The following RELN variants were observed in gnomAD, a reference collection of about 807,000 sequenced individuals.
RELN encodes the protein reelin.
A neutral mutation model predicts 427.6 loss-of-function variants in RELN; 108 were observed. The observed-to-expected ratio is 0.25, with a 90% CI of 0.22 to 0.30. The LOEUF (loss-of-function observed/expected upper bound fraction) is 0.30, where lower values mean the gene tolerates loss of function less well. Ranked by LOEUF, RELN falls within the 10% of genes least tolerant of loss-of-function variation. The probability of loss-of-function intolerance (pLI) is 1.00; values close to 1 mark genes in which losing one functional copy is unlikely to be tolerated. For synonymous variants in RELN, 1,524 were observed against 1,513.4 expected (o/e 1.01, Z -0.16); for missense variants, 3,715 against 4,302.8 (o/e 0.86, Z 3.82).
At chr7:103,489,203 G>GGTGTGTGTGTGTGTGT (rs3051647) in intron 60 of RELN, among the ~76,000 whole-genome samples, 29 of 147,866 alleles carry the variant, frequency 2.0e-4, no homozygotes, top group African/African-American at 7.1e-4. Context: ...GTCATAAAGG[G>GGTGTGTGTGTGTGTGT]GTGTGTGTGT....
intron 2 of RELN, among the ~76,000 whole-genome samples, chr7:103,859,214 C>T (rs1229365700): frequency 1.3e-5 from 2 of 152,098 alleles, no homozygotes; most frequent in South Asian, 2.1e-4. Flanking sequence ...AATATTAATA[C>T]CAGTCAAAGA....
At chr7:103,937,097 A>T (rs1796004918) in intron 1 of RELN, among the ~76,000 whole-genome samples, 1 of 152,066 alleles carries the variant, frequency 6.6e-6, no homozygotes, top group Non-Finnish European at 1.5e-5. Flanking sequence ...TATTGTCCTT[A>T]GCCTTAAATT....
intron 28 of RELN, among the ~76,000 whole-genome samples, chr7:103,580,692 A>G (rs1312705243): frequency 1.3e-5 from 2 of 152,170 alleles, no homozygotes; most frequent in Admixed American, 1.3e-4. Context: ...AGCAGTGATC[A>G]TTGTACCCAA....
At chr7:103,720,658 G>A (rs1256589761) in intron 8 of RELN, among the ~76,000 whole-genome samples, 1 of 151,976 alleles carries the variant, frequency 6.6e-6, no homozygotes. Context: ...TTTGAACTGA[G>A]TATAAATAAA....
intron 16 of RELN, among the ~76,000 whole-genome samples, chr7:103,649,924 C>T (rs183502417): frequency 1.6e-4 from 25 of 152,076 alleles, no homozygotes; most frequent in African/African-American, 5.8e-4. Flanking sequence ...TATTTTAATA[C>T]ATGCAGTATG....
intron 20 of RELN, among the ~76,000 whole-genome samples, chr7:103,615,137 C>G (rs1406860852): frequency 6.6e-6 from 1 of 152,150 alleles, no homozygotes; most frequent in Non-Finnish European, 1.5e-5. Flanking sequence ...GGAGGCTTGG[C>G]TTTATTTATA....
At chr7:103,937,630 A>T (rs574091032) in intron 1 of RELN, among the ~76,000 whole-genome samples, 5 of 152,368 alleles carry the variant, frequency 3.3e-5, no homozygotes, top group Admixed American at 3.3e-4. Flanking sequence ...GTAAAGAATA[A>T]CAGGTAAAAC....
intron 52 of RELN, 89 bp from the exon 53 acceptor site, chr7:103,501,011 G>C: frequency 8.5e-7 from 1 of 1,182,864 alleles, no homozygotes; most frequent in Non-Finnish European, 1.3e-6. Context: ...GTACTCAAGA[G>C]AAAAAACATT....
intron 3 of RELN, among the ~76,000 whole-genome samples, chr7:103,823,934 G>T (rs556133807): frequency 6.6e-6 from 1 of 152,110 alleles, no homozygotes; most frequent in South Asian, 2.1e-4. Context: ...AATTTATCTA[G>T]GTACAGAACT....
intron 4 of RELN, 88 bp from the exon 5 acceptor site, chr7:103,753,302 T>G: frequency 7.5e-7 from 1 of 1,324,966 alleles, no homozygotes; most frequent in Non-Finnish European, 1.1e-6. Flanking sequence ...GTTATAAAAC[T>G]TAAGTCACAT....
chr7:103,649,317 A>T (rs1273960835), intron 16 of RELN, among the ~76,000 whole-genome samples: 1 of 152,016 alleles, frequency 6.6e-6, no homozygotes, highest in Non-Finnish European at 1.5e-5. Flanking sequence ...CCATTATCCT[A>T]AGTGATATTA....
chr7:103,965,238 G>A (rs903543338), intron 1 of RELN, among the ~76,000 whole-genome samples: 2 of 152,202 alleles, frequency 1.3e-5, no homozygotes, highest in South Asian at 4.1e-4. Flanking sequence ...TTTTAAAACA[G>A]CTCTTGTAAA....
intron 19 of RELN, among the ~76,000 whole-genome samples, chr7:103,633,781 C>A (rs1158704762): frequency 6.6e-6 from 1 of 151,884 alleles, no homozygotes; most frequent in Non-Finnish European, 1.5e-5. Context: ...TGCTTTAGGC[C>A]AACTTAACTT....
chr7:103,503,267 TATATG>T (rs1158109342), intron 51 of RELN, 37 bp from the exon 52 acceptor site: 2 of 1,582,710 alleles, frequency 1.3e-6, no homozygotes, highest in Non-Finnish European at 1.7e-6. Context: ...GTATTAAAAC[TATATG>T]ATATGATTCT....
At chr7:103,749,921 C>T (rs189376613) in intron 5 of RELN, among the ~76,000 whole-genome samples, 121 of 152,220 alleles carry the variant, frequency 7.9e-4, no homozygotes, top group Non-Finnish European at 3.2e-4. Context: ...GTAATTGAAT[C>T]ATGGGGGCAA....
At position 103,682,278 on chromosome 7, in the gene RELN, A is replaced by G; in HGVS notation, c.1144-17T>C. The G allele has an allele frequency of 6.2e-7, 1 of 1,613,868 alleles. No individual in the cohort carries two copies. The highest frequency in any genetic ancestry group is 8.5e-7 in the Non-Finnish European group (1 of 1,179,784). ...ACAGCTATGCTGTAGGTGAAAAGAGAGCACGGGGTGGCTGTTGAATTGGTG... is the reference window on the plus strand; with the variant it reads ...ACAGCTATGCTGTAGGTGAAAAGAGGGCACGGGGTGGCTGTTGAATTGGTG... On this transcript the variant is annotated splice_polypyrimidine_tract_variant and intron_variant, in intron 10 of 64. Transcript: ENST00000428762.
In RELN at chr7:103,553,945, T is replaced by C. The variant is rs148473722; in HGVS notation, c.5798-114A>G. ...CAACTCAGTAACAATAGGTTAAACA[T>C]ATGCCTTCTACAGGAGGATTGTTTG... On this transcript the variant is annotated intron_variant, in intron 38 of 64. Coordinates refer to ENST00000428762, the MANE Select transcript of RELN (RefSeq NM_005045.4). 2,917 of 837,780 alleles carry C rather than the reference T, an allele frequency of 3.5e-3. 83 individuals carry two copies. In the Admixed American group the frequency reaches 0.053, roughly 15 times the overall value. The allele number at this position is 837,780 out of a possible 1,614,324, so 51.9% of individuals were successfully genotyped here.
chr7:103,607,891 G>A (rs1403964257), intron 22 of RELN, among the ~76,000 whole-genome samples: 1 of 152,148 alleles, frequency 6.6e-6, no homozygotes, highest in Non-Finnish European at 1.5e-5. Flanking sequence ...TTATGTAAAT[G>A]TCTCTCATAA....
rs182647888 is a variant in RELN, at chr7:103,902,452, T to C, written c.337+14623A>G. Among the ~76,000 whole-genome samples the C allele has an allele frequency of 5.5e-4, 83 of 152,196 alleles. No individual in the cohort carries two copies. The East Asian group carries it at 9.3e-3, about 17-fold the overall frequency. ...AAGAGTTCAAGTGGAGAGGAACTTT[T>C]CTGAAAGAGAACCGGAAATAACATA... On this transcript the variant is annotated intron_variant, in intron 2 of 64. Transcript: ENST00000428762.
Sources: allele counts gnomAD v4.1 joint callset (sites outside exome capture counted in the v4.1 genomes callset), GRCh38; gene constraint gnomAD v4.1.1; transcripts MANE v1.5; gene names NCBI Gene and HGNC (gene_info 2026-07-23, HGNC 2026-07-21).